Variants in RLN2 observed in about 807,000 individuals in gnomAD.
RLN2 encodes prorelaxin H2.
Under a neutral mutation model 7.3 loss-of-function variants are expected in RLN2, and 10 were observed. That is an observed-to-expected ratio of 1.36 (90% CI 0.84 to 2.31). The LOEUF is 2.31. RLN2 is among the 30% of genes most tolerant of loss of function. The pLI is 0.00. For missense variants in RLN2, 298 were observed against 217.6 expected, an observed-to-expected ratio of 1.37 and a Z score of -2.32; for synonymous variants, 103 against 82.3, an observed-to-expected ratio of 1.25 and a Z score of -1.36.
chr9:5,308,564 C>T (rs934351180), upstream of RLN2, among the ~76,000 whole-genome samples: 1 of 152,012 alleles, frequency 6.6e-6, no homozygotes, highest in African/African-American at 2.4e-5. Context: ...TTGCCACAAT[C>T]ACATATGGAA....
the RLN2 span, among the ~76,000 whole-genome samples, chr9:5,320,038 T>C: frequency 6.7e-6 from 1 of 149,892 alleles, no homozygotes; most frequent in African/African-American, 2.5e-5. Context: ...CAGACCAGAG[T>C]GAGGTGGCAC....
the RLN2 span, among the ~76,000 whole-genome samples, chr9:5,322,694 G>A: frequency 6.6e-6 from 1 of 151,938 alleles, no homozygotes; most frequent in Non-Finnish European, 1.5e-5. Context: ...TAGAATATGG[G>A]GGTATAAAGC....
At chr9:5,311,828 CTTTT>C in the RLN2 span, 16 of 514,058 alleles carry the variant, frequency 3.1e-5, no homozygotes, top group South Asian at 1.4e-4. Context: ...TATTTTTTTT[CTTTT>C]TTTTTTATTA....
chr9:5,326,865 G>C, the RLN2 span, among the ~76,000 whole-genome samples: 1 of 151,964 alleles, frequency 6.6e-6, no homozygotes, highest in Admixed American at 6.6e-5. Flanking sequence ...GTCTTGACAA[G>C]AAAAAATTGA....
At chr9:5,319,904 T>G in the RLN2 span, among the ~76,000 whole-genome samples, 237 of 152,080 alleles carry the variant, frequency 1.6e-3, 5 homozygotes, top group African/African-American at 5.3e-3. Flanking sequence ...AAGAAGCACC[T>G]TTAAAGATGT....
At chr9:5,302,104 G>A (rs953261538) in intron 1 of RLN2, among the ~76,000 whole-genome samples, 1 of 152,166 alleles carries the variant, frequency 6.6e-6, no homozygotes, top group Non-Finnish European at 1.5e-5. Context: ...AGTTAAATGA[G>A]TCAGCCAAAA....
At chr9:5,313,496 T>C in the RLN2 span, among the ~76,000 whole-genome samples, 1 of 151,934 alleles carries the variant, frequency 6.6e-6, no homozygotes, top group Admixed American at 6.6e-5. Flanking sequence ...GAGCATAGAG[T>C]TGGGTCTTGT....
the RLN2 span, among the ~76,000 whole-genome samples, chr9:5,329,027 G>A: frequency 0.43 from 65,259 of 151,462 alleles, 14,487 homozygotes; most frequent in African/African-American, 0.45. Flanking sequence ...GCATCGGCCG[G>A]GTGCGGTGGC....
rs1401462693 is a variant in RLN2, at chr9:5,300,452, AT to A, written c.212-9del. 1 of 1,582,326 alleles carries A rather than the reference AT, an allele frequency of 6.3e-7. No homozygotes were observed. Among genetic ancestry groups the A allele is most frequent in the African/African-American group, 1.4e-5 (1 of 73,240 alleles). On this transcript the variant is annotated splice_polypyrimidine_tract_variant and intron_variant, in intron 1 of 1. Transcript: ENST00000381627. ...TGAAGGATGGCACAATTTCTGTTAA[AT>A]TTAAAAAAAAAGGTGTATGTGAGGG...
upstream of RLN2, among the ~76,000 whole-genome samples, chr9:5,309,519 G>A (rs1378570134): frequency 3.3e-5 from 5 of 151,894 alleles, no homozygotes; most frequent in Admixed American, 2.6e-4. Flanking sequence ...TCCATGCCCT[G>A]GACCATCGGC....
At chr9:5,307,271 G>GAGGATAGATAGATA (rs1816269990), upstream of RLN2, among the ~76,000 whole-genome samples, 25 of 143,482 alleles carry the variant, frequency 1.7e-4, no homozygotes, top group African/African-American at 6.1e-4. Context: ...GATAGATAGA[G>GAGGATAGATAGATA]GATAGATAGA....
the RLN2 span, among the ~76,000 whole-genome samples, chr9:5,320,534 C>T: frequency 6.6e-6 from 1 of 151,192 alleles, no homozygotes; most frequent in African/African-American, 2.4e-5. Flanking sequence ...CCACACGCGG[C>T]TACGTTTTGT....
chr9:5,320,984 T>C, the RLN2 span, among the ~76,000 whole-genome samples: 1 of 152,102 alleles, frequency 6.6e-6, no homozygotes, highest in Non-Finnish European at 1.5e-5. Context: ...TTTCAGTGAG[T>C]TGAAGAATCA....
At chr9:5,314,220 C>T in the RLN2 span, among the ~76,000 whole-genome samples, 1 of 152,042 alleles carries the variant, frequency 6.6e-6, no homozygotes, top group African/African-American at 2.4e-5. Flanking sequence ...GATAGGTAGC[C>T]ACAGTACACT....
chr9:5,324,017 A>C, the RLN2 span, among the ~76,000 whole-genome samples: 2 of 151,996 alleles, frequency 1.3e-5, no homozygotes, highest in Admixed American at 1.3e-4. Flanking sequence ...ACTGCACTCC[A>C]GTCTGGGCAA....
In RLN2 at chr9:5,300,359, C is replaced by A. The variant is rs756769619; in HGVS notation, c.297G>T (p.Lys99Asn). ...CTGGCTGCATCTCAGACAGGGTTAA[C>A]TTCAGCTCCTGTGGCAAATTAGCAA... ...EFVANLPQEL[K>N]LTLSEMQPAL... Residue 99 changes from lysine (K) to asparagine (N), a missense_variant, in exon 2 of 2, where the codon AAG becomes AAT. By Grantham distance (94) the Lys-to-Asn change is moderately conservative. Transcript: ENST00000381627. The A allele has an allele frequency of 1.2e-6, 2 of 1,613,900 alleles. No individual in the cohort carries two copies. Among genetic ancestry groups the A allele is most frequent in the East Asian group, 2.2e-5 (1 of 44,874 alleles).
At chr9:5,335,611 A>G in the RLN2 span, 5 of 1,559,896 alleles carry the variant, frequency 3.2e-6, no homozygotes, top group Non-Finnish European at 3.5e-6. Context: ...TTAAGTTTAA[A>G]AAAAAAGTGT....
At chr9:5,335,286 C>A in the RLN2 span, 3 of 1,600,396 alleles carry the variant, frequency 1.9e-6, no homozygotes, top group East Asian at 6.7e-5. Context: ...TTGGTACAAC[C>A]AATTAGGCAA....
intron 1 of RLN2, 95 bp from the exon 2 acceptor site, chr9:5,300,539 T>C: frequency 1.3e-6 from 1 of 776,016 alleles, no homozygotes; most frequent in Middle Eastern, 3.2e-4. Flanking sequence ...AAAAAAGCAT[T>C]GCCTCAGTAT....
Sources: gnomAD v4.1 joint callset for allele counts (sites outside exome capture counted in the v4.1 genomes callset) on GRCh38, gnomAD v4.1.1 for gene constraint, MANE v1.5 for transcripts, NCBI Gene and HGNC (gene_info 2026-07-23, HGNC 2026-07-21) for gene names.